The following DSC1 variants were observed in gnomAD, a reference collection of about 807,000 sequenced individuals.
DSC1 encodes the protein desmocollin 1, also known as desmocollin-1.
In DSC1, 79 loss-of-function variants were observed where a neutral mutation model predicts 98.8. The ratio of observed to expected loss-of-function variants is 0.80; its 90% confidence interval spans 0.67 to 0.96. The LOEUF is 0.96. DSC1 is among the 50% of genes least tolerant of loss of function. DSC1 has a pLI of 0.00. For synonymous variants in DSC1, 405 were observed against 372.1 expected, an observed-to-expected ratio of 1.09 and a Z score of -1.02; for missense variants, 1,115 against 1,075.9, an observed-to-expected ratio of 1.04 and a Z score of -0.51.
intron 11 of DSC1, among the ~76,000 whole-genome samples, chr18:31,137,208 C>T (rs1020174346): frequency 6.6e-6 from 1 of 151,970 alleles, no homozygotes; most frequent in African/African-American, 2.4e-5. Context: ...TACAATATGC[C>T]TCCTAATGAT....
At chr18:31,142,517 C>G (rs937983116) in intron 8 of DSC1, among the ~76,000 whole-genome samples, 2 of 152,120 alleles carry the variant, frequency 1.3e-5, no homozygotes, top group African/African-American at 2.4e-5. Context: ...ACACAGTAAA[C>G]ACTTAATAAA....
chr18:31,132,208 T>G (rs908404861), intron 14 of DSC1: 6 of 348,408 alleles, frequency 1.7e-5, no homozygotes, highest in Non-Finnish European at 3.2e-5. Context: ...TATGAAGATT[T>G]GATTTCCACT....
intron 1 of DSC1, 139 bp from the exon 2 acceptor site, chr18:31,159,668 A>G: frequency 1.2e-6 from 1 of 804,486 alleles, no homozygotes. Flanking sequence ...TTTAATACTC[A>G]CTTTAAAAGG....
intron 8 of DSC1, 72 bp downstream of exon 8, chr18:31,143,585 G>A: frequency 8.0e-7 from 1 of 1,255,276 alleles, no homozygotes; most frequent in Non-Finnish European, 1.1e-6. Flanking sequence ...ATCTCACAGA[G>A]CTACCAAATT....
chr18:31,131,942 C>T (rs1988502631), intron 14 of DSC1, 100 bp from the exon 15 acceptor site: 1 of 1,281,430 alleles, frequency 7.8e-7, no homozygotes, highest in Non-Finnish European at 1.1e-6. Context: ...GCCTGCTGTG[C>T]CTCTCTGTTC....
intron 2 of DSC1, among the ~76,000 whole-genome samples, chr18:31,159,133 A>C (rs1989160363): frequency 1.2e-5 from 1 of 82,166 alleles, no homozygotes; most frequent in Non-Finnish European, 2.5e-5. Context: ...GGCTCACTGC[A>C]AGCTCCGCCT....
Position 31,156,182 on chromosome 18 carries a change from AAG to A in DSC1, c.352-22_352-21del. The A allele has an allele frequency of 1.3e-6, 2 of 1,596,672 alleles. No individual in the cohort carries two copies. Among genetic ancestry groups the A allele is most frequent in the Non-Finnish European group, 1.7e-6 (2 of 1,175,590 alleles). On this transcript the variant is annotated intron_variant, in intron 3 of 15. Transcript: ENST00000257198. ...AGGAGACTACATTTGACAAGAAACA[AAG>A]AAATGTAGCATTGCTTATCATTTTT...
chr18:31,131,764 C>T lies in DSC1; in HGVS notation c.2317G>A (p.Gly773Arg). The T allele has an allele frequency of 6.2e-7, 1 of 1,614,084 alleles. No homozygotes were observed. Among genetic ancestry groups the T allele is most frequent in the Non-Finnish European group, 8.5e-7 (1 of 1,179,980 alleles). ...SMSVGTVGGQ[G>R]IKTQQSFEMV... ...TCAAAACTTTGCTGTGTTTTGATTC[C>T]CTGGCCACCAACAGTACCAACAGAC... is the stretch of plus-strand genomic sequence containing the variant. The change falls in exon 15 of 16, where the codon GGA becomes AGA. Residue 773 changes from glycine (G) to arginine (R), a missense_variant. Transcript: ENST00000257198.
intron 4 of DSC1, 118 bp downstream of exon 4, chr18:31,155,925 G>A: frequency 9.3e-7 from 1 of 1,077,624 alleles, no homozygotes; most frequent in Non-Finnish European, 1.3e-6. Flanking sequence ...GTGAATAGAT[G>A]ATCATTATTT....
intron 2 of DSC1, among the ~76,000 whole-genome samples, chr18:31,158,839 A>T (rs1989150518): frequency 6.6e-6 from 1 of 152,122 alleles, no homozygotes; most frequent in African/African-American, 2.4e-5. Context: ...AGATTAGTTT[A>T]TACAAATTAG....
chr18:31,139,637 T>C, intron 11 of DSC1, 111 bp downstream of exon 11: 2 of 1,136,932 alleles, frequency 1.8e-6, no homozygotes, highest in Non-Finnish European at 2.4e-6. Flanking sequence ...ACAATAAAAA[T>C]GCAAACATTG....
intron 8 of DSC1, among the ~76,000 whole-genome samples, chr18:31,143,297 A>C (rs937317400): frequency 1.3e-5 from 2 of 151,884 alleles, no homozygotes; most frequent in Non-Finnish European, 2.9e-5. Flanking sequence ...TGTAAAGGAC[A>C]CCAGAGAGAG....
At chr18:31,148,741 A>G in intron 5 of DSC1, 99 bp from the exon 6 acceptor site, 1 of 1,194,814 alleles carries the variant, frequency 8.4e-7, no homozygotes, top group Non-Finnish European at 1.1e-6. Flanking sequence ...AAAAAAAAAA[A>G]TCATTCCCAA....
At chr18:31,148,375 T>C (rs1020689043) in intron 6 of DSC1, 123 bp downstream of exon 6, 2 of 1,224,154 alleles carry the variant, frequency 1.6e-6, no homozygotes, top group Middle Eastern at 2.6e-4. Flanking sequence ...AAAAAAAGTG[T>C]ATGTAATCAG....
chr18:31,156,409 C>A (rs968619412), intron 3 of DSC1, among the ~76,000 whole-genome samples: 8 of 152,090 alleles, frequency 5.3e-5, no homozygotes, highest in Non-Finnish European at 1.2e-4. Context: ...TGGAAAGATG[C>A]CACTTTGAGA....
chr18:31,134,432 A>T (rs1988564103), intron 12 of DSC1, 140 bp downstream of exon 12: 2 of 845,864 alleles, frequency 2.4e-6, no homozygotes, highest in East Asian at 2.7e-5. Flanking sequence ...AATTTTTTTT[A>T]AAGATTAGGT....
intron 8 of DSC1, among the ~76,000 whole-genome samples, chr18:31,143,164 CTT>C (rs1178134379): frequency 2.0e-5 from 3 of 151,558 alleles, no homozygotes; most frequent in Non-Finnish European, 2.9e-5. Flanking sequence ...ATATATATCT[CTT>C]ATTGTTTACC....
At chr18:31,139,620 A>C (rs1319890895) in intron 11 of DSC1, 128 bp downstream of exon 11, 1 of 1,004,716 alleles carries the variant, frequency 1.0e-6, no homozygotes, top group East Asian at 2.7e-5. Context: ...GATATCCAAT[A>C]ACATGAACAA....
intron 2 of DSC1, among the ~76,000 whole-genome samples, chr18:31,158,949 C>T (rs1281178653): frequency 6.6e-6 from 1 of 151,258 alleles, no homozygotes; most frequent in Non-Finnish European, 1.5e-5. Context: ...AAGTATACAA[C>T]TAACTTTGGT....
Sources: gnomAD v4.1 joint callset for allele counts (sites outside exome capture counted in the v4.1 genomes callset) on GRCh38, gnomAD v4.1.1 for gene constraint, MANE v1.5 for transcripts, NCBI Gene and HGNC (gene_info 2026-07-23, HGNC 2026-07-21) for gene names.